Variants in AMZ2 observed in about 807,000 individuals in gnomAD.
AMZ2 encodes the protein archaemetzincin-2.
In AMZ2, 26 loss-of-function variants were observed where a neutral mutation model predicts 36.7. The ratio of observed to expected loss-of-function variants is 0.71; its 90% confidence interval spans 0.52 to 0.98. The LOEUF is 0.98. AMZ2 is among the 50% of genes least tolerant of loss of function. The probability of loss-of-function intolerance (pLI) is 0.00; values close to 1 mark genes in which losing one functional copy is unlikely to be tolerated. For missense variants in AMZ2, 394 were observed against 430.5 expected (o/e 0.92, Z 0.75); for synonymous variants, 144 against 149.1 (o/e 0.97, Z 0.25).
intron 4 of AMZ2, among the ~76,000 whole-genome samples, chr17:68,253,720 C>T (rs1555741042): frequency 6.6e-6 from 1 of 151,724 alleles, no homozygotes; most frequent in Non-Finnish European, 1.5e-5. Context: ...TTTAGTGTGT[C>T]CTTAAATAGT....
chr17:68,208,916 C>A (rs1284209974), intron 1 of AMZ2, among the ~76,000 whole-genome samples: 1 of 151,906 alleles, frequency 6.6e-6, no homozygotes, highest in Non-Finnish European at 1.5e-5. Flanking sequence ...ATCCGAGCAC[C>A]AGAAGGAACA....
rs782214204 is a variant in AMZ2, at chr17:68,251,015, T to C, written c.458-35T>C. On this transcript the variant is annotated intron_variant, in intron 3 of 6. Transcript: ENST00000359904. The stretch of plus-strand genomic sequence containing the variant: ...TCGAACTGAGTATATGTATATAATA[T>C]ACACTCATACATTTATGTATTTCTT... 2.5e-6 allele frequency: 4 copies of C among 1,607,640 alleles called. No homozygotes were observed. The South Asian group carries it at 3.4e-5, about 13-fold the overall frequency.
chr17:68,237,707 G>GA (rs574887126), intron 1 of AMZ2, among the ~76,000 whole-genome samples: 32 of 152,254 alleles, frequency 2.1e-4, no homozygotes, highest in Admixed American at 1.8e-3. Context: ...CAGCTTTTGG[G>GA]AAAAAAGCCT....
At chr17:68,219,481 G>A (rs1416518250) in intron 1 of AMZ2, among the ~76,000 whole-genome samples, 1 of 152,106 alleles carries the variant, frequency 6.6e-6, no homozygotes, top group Non-Finnish European at 1.5e-5. Context: ...CTTATCCCAT[G>A]TTACTGCTTT....
chr17:68,254,946 C>T (rs1171300101), intron 5 of AMZ2, among the ~76,000 whole-genome samples: 2 of 152,180 alleles, frequency 1.3e-5, no homozygotes, highest in Non-Finnish European at 2.9e-5. Context: ...CTGGGCCTTC[C>T]TGCCCTGGGC....
chr17:68,250,167 T>C lies in AMZ2; in HGVS notation c.1-21T>C, dbSNP rs376031156. 1.0e-5 allele frequency: 16 copies of C among 1,602,176 alleles called. No homozygotes were observed. The African/African-American group carries it at 2.0e-4, about 20-fold the overall frequency. On this transcript the variant is annotated intron_variant, in intron 1 of 6. Transcript: ENST00000359904. ...TGTAGATATGTATTTTTATATTTGA[T>C]TACTTGCTTTTTTTTGTTAGATGCA...
chr17:68,213,563 T>C (rs2073119818), intron 1 of AMZ2, among the ~76,000 whole-genome samples: 1 of 152,340 alleles, frequency 6.6e-6, no homozygotes, highest in Admixed American at 6.5e-5. Context: ...GGCTGGAAGC[T>C]TACGGAATCT....
At chr17:68,245,091 A>C (rs1555734925), upstream of AMZ2, among the ~76,000 whole-genome samples, 2 of 152,084 alleles carry the variant, frequency 1.3e-5, no homozygotes, top group South Asian at 2.1e-4. Context: ...AAATATCAGA[A>C]CTTGTAGTGC....
intron 1 of AMZ2, among the ~76,000 whole-genome samples, chr17:68,225,057 T>G (rs1232988909): frequency 1.3e-5 from 2 of 151,490 alleles, no homozygotes; most frequent in African/African-American, 4.8e-5. Context: ...CTGGGCATGC[T>G]GGCGTGCACC....
upstream of AMZ2, among the ~76,000 whole-genome samples, chr17:68,244,809 G>A (rs2073968232): frequency 6.6e-6 from 1 of 152,116 alleles, no homozygotes; most frequent in South Asian, 2.1e-4. Flanking sequence ...TAGCAGGTAA[G>A]AAAAAATTAT....
chr17:68,220,682 T>C (rs145635069), intron 1 of AMZ2, among the ~76,000 whole-genome samples: 3,034 of 151,876 alleles, frequency 0.02, 103 homozygotes, highest in African/African-American at 0.068. Context: ...TAAGCCAAGA[T>C]ACCATTCGAG....
intron 1 of AMZ2, among the ~76,000 whole-genome samples, chr17:68,207,901 G>A (rs1330510581): frequency 9.2e-5 from 14 of 152,266 alleles, no homozygotes; most frequent in Admixed American, 3.3e-4. Context: ...GGTGCTTGCG[G>A]GCCAGCGTGA....
intron 1 of AMZ2, chr17:68,249,109 T>A: frequency 8.4e-7 from 1 of 1,185,312 alleles, no homozygotes; most frequent in Non-Finnish European, 1.0e-6. Flanking sequence ...GAGGCTGGCT[T>A]TTGATTAGTC....
Position 68,248,062 on chromosome 17 carries a change from C to G in AMZ2, c.-644C>G, listed in dbSNP as rs2074125122. 1.0e-6 allele frequency: 1 copy of G among 986,140 alleles called. No homozygotes were observed. The highest frequency in any genetic ancestry group is 1.2e-6 in the Non-Finnish European group (1 of 830,566). The allele number at this position is 986,140 out of a possible 1,614,324, so 61.1% of individuals were successfully genotyped here. On this transcript the variant is annotated 5_prime_UTR_variant, in exon 1 of 7. Coordinates refer to ENST00000359904, the MANE Select transcript of AMZ2 (RefSeq NM_016627.5). ...TGGCGCAGTGCGAAGGGACGCGGTG[C>G]GCATGCGCGTGAGGGCTGCCGCGGG...
At chr17:68,246,446 C>T (rs1403048585), upstream of AMZ2, among the ~76,000 whole-genome samples, 1 of 152,150 alleles carries the variant, frequency 6.6e-6, no homozygotes, top group Non-Finnish European at 1.5e-5. Flanking sequence ...ACAGGTCCCA[C>T]GCTAGTGAGG....
rs140723828 is a variant in AMZ2, at chr17:68,216,956, C to A, written c.-67+10718C>A. ...GCTGAAGCAGGAGAATGGTGTGAAC[C>A]CGGGAGGTGGAGCTTGCAGTGAGCC... is the stretch of plus-strand genomic sequence containing the variant. On this transcript the variant is annotated intron_variant, in intron 1 of 7. Transcript: ENST00000674770. Among the ~76,000 whole-genome samples, 47 of 151,936 alleles carry A rather than the reference C, an allele frequency of 3.1e-4. 2 individuals are homozygous for A. In the East Asian group the frequency reaches 8.9e-3, roughly 29 times the overall value.
rs150647183 is a variant in AMZ2 at position 68,209,812 on chromosome 17, G to C, written c.-67+3574G>C. Among the ~76,000 whole-genome samples, 706 of 150,868 alleles carry C rather than the reference G, an allele frequency of 4.7e-3. 9 individuals carry two copies. Among genetic ancestry groups the C allele is most frequent in the African/African-American group, 0.016 (673 of 40,972 alleles). ...AGTTTTGTATGTTTAGTAGAGATGA[G>C]GTTTCACCATGTTGGCCAGGCTGGT... On this transcript the variant is annotated intron_variant, in intron 1 of 7. Coordinates refer to the AMZ2 transcript ENST00000674770.
chr17:68,230,381 C>T (rs564929373), intron 1 of AMZ2, among the ~76,000 whole-genome samples: 1 of 152,328 alleles, frequency 6.6e-6, no homozygotes, highest in South Asian at 2.1e-4. Flanking sequence ...GCCTCCTGCC[C>T]TGTTCTTCAT....
chr17:68,207,820 T>C (rs12949987), intron 1 of AMZ2, among the ~76,000 whole-genome samples: 19,009 of 152,140 alleles, frequency 0.12, 1,332 homozygotes, highest in Non-Finnish European at 0.16. Flanking sequence ...TGGCCAAGGC[T>C]GGAGCCGGCT....
Sources: gnomAD v4.1 joint callset for allele counts (sites outside exome capture counted in the v4.1 genomes callset) on GRCh38, gnomAD v4.1.1 for gene constraint, MANE v1.5 for transcripts, NCBI Gene and HGNC (gene_info 2026-07-23, HGNC 2026-07-21) for gene names.